The following MCU variants were observed in gnomAD, a reference collection of about 807,000 sequenced individuals.
MCU encodes mitochondrial calcium uniporter.
In MCU, 12 loss-of-function variants were observed where a neutral mutation model predicts 45.2. The observed-to-expected ratio is 0.27, with a 90% confidence interval of 0.17 to 0.43. MCU has a LOEUF of 0.43. Ranked by LOEUF, MCU falls within the 20% of genes least tolerant of loss-of-function variation. MCU has a pLI of 1.00. For missense variants in MCU, 324 were observed against 436.7 expected (o/e 0.74, Z 2.30); for synonymous variants, 160 against 165.1 (o/e 0.97, Z 0.24).
rs138655098 is a variant in MCU, at chr10:72,768,082, C to A, written c.151-66277C>A. Among the ~76,000 whole-genome samples, 906 of 151,494 alleles carry A rather than the reference C, an allele frequency of 6.0e-3. 12 individuals carry two copies. The highest frequency in any genetic ancestry group is 0.021 in the African/African-American group (854 of 41,304). On this transcript the variant is annotated intron_variant, in intron 1 of 7. Coordinates refer to ENST00000373053, the MANE Select transcript of MCU (RefSeq NM_138357.3). Reference sequence around the variant, plus strand: ...CGAATAAAAAAGGCTCATGAAACAACGAGCAGTTATCTTTGAACCAGAGAG... The same window carrying A: ...CGAATAAAAAAGGCTCATGAAACAAAGAGCAGTTATCTTTGAACCAGAGAG...
Position 72,885,944 on chromosome 10 carries a change from C to T in MCU, c.*122C>T. Reference sequence around the variant, plus strand: ...AGCGTTTTTACCTTTAATTATAAAACAAAAACAGAAAGGATCTGAGGGAAG... The same window carrying T: ...AGCGTTTTTACCTTTAATTATAAAATAAAAACAGAAAGGATCTGAGGGAAG... On this transcript the variant is annotated 3_prime_UTR_variant, in exon 8 of 8. Transcript: ENST00000373053. The T allele has an allele frequency of 1.5e-6, 1 of 683,704 alleles. No individual in the cohort carries two copies. Among genetic ancestry groups the T allele is most frequent in the Admixed American group, 2.7e-5 (1 of 36,658 alleles). The allele number at this position is 683,704 out of a possible 1,614,324, so 42.4% of individuals were successfully genotyped here.
intron 5 of MCU, among the ~76,000 whole-genome samples, chr10:72,870,553 A>T (rs902878777): frequency 2.0e-5 from 3 of 152,160 alleles, no homozygotes; most frequent in Admixed American, 6.5e-5. Context: ...AAGTGCTGGG[A>T]TTACAGGCGT....
At chr10:72,884,986 T>C (rs1313052865) in intron 7 of MCU, among the ~76,000 whole-genome samples, 4 of 152,248 alleles carry the variant, frequency 2.6e-5, no homozygotes, top group African/African-American at 9.6e-5. Context: ...TTTGTGACTT[T>C]AGAGATTTTT....
At chr10:72,878,229 C>T (rs772589691) in intron 6 of MCU, among the ~76,000 whole-genome samples, 54 of 150,820 alleles carry the variant, frequency 3.6e-4, no homozygotes, top group Non-Finnish European at 6.5e-4. Flanking sequence ...AGCAGCCCTC[C>T]CTCTTAGCTT....
At chr10:72,742,842 G>T (rs1271386190) in intron 1 of MCU, among the ~76,000 whole-genome samples, 1 of 152,128 alleles carries the variant, frequency 6.6e-6, no homozygotes, top group Non-Finnish European at 1.5e-5. Flanking sequence ...TAATTAGAGT[G>T]GCAGCTTGCT....
chr10:72,811,904 G>A (rs55832981), intron 1 of MCU, among the ~76,000 whole-genome samples: 5,720 of 151,918 alleles, frequency 0.038, 369 homozygotes, highest in African/African-American at 0.13. Context: ...CTTTATTACA[G>A]ATATATTCAG....
At chr10:72,748,708 A>G (rs1473892057) in intron 1 of MCU, among the ~76,000 whole-genome samples, 1 of 152,154 alleles carries the variant, frequency 6.6e-6, no homozygotes, top group African/African-American at 2.4e-5. Context: ...CATTCTCTGA[A>G]GAAATACTTC....
intron 1 of MCU, among the ~76,000 whole-genome samples, chr10:72,822,137 G>T (rs779368594): frequency 6.6e-6 from 1 of 152,246 alleles, no homozygotes; most frequent in East Asian, 1.9e-4. Context: ...TTAACCGGGC[G>T]TGGTGACAGA....
intron 1 of MCU, among the ~76,000 whole-genome samples, chr10:72,719,763 T>A (rs1425979568): frequency 6.6e-6 from 1 of 152,222 alleles, no homozygotes; most frequent in Admixed American, 6.5e-5. Flanking sequence ...AATTATATTC[T>A]CTTAGTTATT....
At chr10:72,745,735 A>G (rs1177589588) in intron 1 of MCU, among the ~76,000 whole-genome samples, 3 of 152,188 alleles carry the variant, frequency 2.0e-5, no homozygotes, top group Non-Finnish European at 4.4e-5. Context: ...ATGTGGTAGT[A>G]TACCATATAT....
chr10:72,772,433 A>C (rs1057067791), intron 1 of MCU, among the ~76,000 whole-genome samples: 1 of 152,228 alleles, frequency 6.6e-6, no homozygotes, highest in Non-Finnish European at 1.5e-5. Context: ...GCAGTGGCTC[A>C]CGCCTGCAAT....
chr10:72,835,039 A>C (rs1225728936), intron 2 of MCU, among the ~76,000 whole-genome samples: 4 of 152,222 alleles, frequency 2.6e-5, no homozygotes, highest in African/African-American at 9.7e-5. Flanking sequence ...GGGTCTTCAC[A>C]TTATGGATAA....
rs747587310 is a variant in MCU, at chr10:72,885,773, A to C, written c.1007A>C (p.Asp336Ala). Residue 336 changes from aspartate to alanine, a missense_variant, in exon 8 of 8, where the codon GAC becomes GCC. Coordinates refer to ENST00000373053, the MANE Select transcript of MCU (RefSeq NM_138357.3). ...GAAATGGACCTTAAGAGACTGAGAG[A>C]CCCATTACAAGTACATCTGCCTCTC... ...QAEMDLKRLR[D>A]PLQVHLPLRQ... is the part of the protein sequence containing the mutation. 1 of 1,613,660 alleles carries C rather than the reference A, an allele frequency of 6.2e-7. No homozygotes were observed. The highest frequency in any genetic ancestry group is 1.1e-5 in the South Asian group (1 of 91,046).
At chr10:72,806,007 A>C (rs1369924251) in intron 1 of MCU, among the ~76,000 whole-genome samples, 2 of 152,166 alleles carry the variant, frequency 1.3e-5, no homozygotes, top group Non-Finnish European at 2.9e-5. Context: ...TTCTCTAACC[A>C]GAAGAATGGG....
At chr10:72,835,028 T>G (rs914047792) in intron 2 of MCU, among the ~76,000 whole-genome samples, 8 of 152,220 alleles carry the variant, frequency 5.3e-5, no homozygotes, top group African/African-American at 1.9e-4. Flanking sequence ...TTCTAACCAT[T>G]GGGTCTTCAC....
chr10:72,866,298 C>G (rs1462101628), intron 4 of MCU, among the ~76,000 whole-genome samples: 1 of 152,042 alleles, frequency 6.6e-6, no homozygotes, highest in Admixed American at 6.6e-5. Flanking sequence ...TAAGCATGTT[C>G]CATTCCTCTG....
At chr10:72,834,517 C>A in intron 2 of MCU, 89 bp downstream of exon 2, 2 of 1,120,340 alleles carry the variant, frequency 1.8e-6, no homozygotes, top group Non-Finnish European at 2.6e-6. Flanking sequence ...AATTTATAAA[C>A]CATACTCTTT....
At chr10:72,751,997 G>C (rs1393654018) in intron 1 of MCU, among the ~76,000 whole-genome samples, 2 of 151,592 alleles carry the variant, frequency 1.3e-5, no homozygotes, top group African/African-American at 2.4e-5. Flanking sequence ...CCGCCACCAC[G>C]CTGAGCCAAT....
chr10:72,884,158 A>T lies in MCU; in HGVS notation c.862-108A>T, dbSNP rs1845745412. ...GGTGATTAAATACTTAACACAGCAC[A>T]TGTCAGCACACACGCATACATATGT... On this transcript the variant is annotated intron_variant, in intron 6 of 7. Coordinates refer to ENST00000373053, the MANE Select transcript of MCU (RefSeq NM_138357.3). 27 of 699,622 alleles carry T rather than the reference A, an allele frequency of 3.9e-5. No individual in the cohort carries two copies. In the South Asian group the frequency reaches 4.6e-4, roughly 12 times the overall value. 43.3% of individuals were successfully genotyped at this position (699,622 alleles called of 1,614,324 possible). A position where few individuals can be genotyped will look rare whatever the true frequency, so the allele number is the denominator to read the frequency against.
Sources: gnomAD v4.1 joint callset for allele counts (sites outside exome capture counted in the v4.1 genomes callset) on GRCh38, gnomAD v4.1.1 for gene constraint, MANE v1.5 for transcripts, NCBI Gene and HGNC (gene_info 2026-07-23, HGNC 2026-07-21) for gene names.